The following ABAT variants were observed in gnomAD, a reference collection of about 807,000 sequenced individuals.
ABAT encodes the protein 4-aminobutyrate aminotransferase, also known as 4-aminobutyrate aminotransferase, mitochondrial.
A neutral mutation model predicts 64.6 loss-of-function variants in ABAT; 45 were observed. The ratio of observed to expected loss-of-function variants is 0.70; its 90% CI spans 0.55 to 0.89. The LOEUF is 0.89. Ranked by LOEUF, ABAT falls within the 40% of genes least tolerant of loss-of-function variation. The pLI, the probability that ABAT is intolerant of heterozygous loss-of-function variation, is 0.00. For missense variants in ABAT, 633 were observed against 658.4 expected, an observed-to-expected ratio of 0.96 and a Z score of 0.42; for synonymous variants, 297 against 250.5, an observed-to-expected ratio of 1.19 and a Z score of -1.75.
chr16:8,747,183 G>T (rs1008486053), intron 3 of ABAT, among the ~76,000 whole-genome samples: 25 of 152,096 alleles, frequency 1.6e-4, no homozygotes, highest in Admixed American at 3.9e-4. Context: ...CAAGGGCTGG[G>T]GTACAACATC....
rs567240463 is a variant in ABAT, at chr16:8,771,597, T to C, written c.817-1183T>C. On this transcript the variant is annotated intron_variant, in intron 11 of 15. Coordinates refer to ENST00000268251, the MANE Select transcript of ABAT (RefSeq NM_020686.6). ...GATTCTCGTGCCTCAGCCACTGGAG[T>C]AGCTGGGAGTACAGGCGTGAGCCAC... Among the ~76,000 whole-genome samples the C allele has an allele frequency of 5.3e-5, 8 of 151,408 alleles. 1 individual carries two copies. In the South Asian group the frequency reaches 1.5e-3, roughly 28 times the overall value.
At chr16:8,715,624 C>A (rs2058193215) in intron 1 of ABAT, 1 of 110,700 alleles carries the variant, frequency 9.0e-6, no homozygotes, top group Non-Finnish European at 1.7e-5. Context: ...TAGAGCGAGA[C>A]CCTGTCTCTA....
intron 1 of ABAT, among the ~76,000 whole-genome samples, chr16:8,687,304 C>G (rs550882792): frequency 1.5e-3 from 230 of 152,134 alleles, no homozygotes; most frequent in Non-Finnish European, 2.8e-3. Context: ...GCGGGCGAAT[C>G]ACGAGGTCAG....
chr16:8,766,209 G>T lies in ABAT; in HGVS notation c.542G>T (p.Ser181Ile). ...TTTTGTTCTGTTCTATTGTTTCAGA[G>T]CAAGGAAAGAGGGCAGAGGGGCTTC... is the stretch of plus-strand genomic sequence containing the variant. ...ALKTIFMWYRSKERGQRGFSQ... is the reference protein window; with the variant it reads ...ALKTIFMWYRIKERGQRGFSQ... The change falls in exon 9 of 16, where the codon AGC becomes ATC. Residue 181 changes from serine (S) to isoleucine (I), a missense_variant and splice_region_variant. Transcript: ENST00000268251. 6.2e-7 allele frequency: 1 copy of T among 1,613,944 alleles called. No individual in the cohort carries two copies. Among genetic ancestry groups the T allele is most frequent in the Non-Finnish European group, 8.5e-7 (1 of 1,179,886 alleles).
intron 11 of ABAT, among the ~76,000 whole-genome samples, chr16:8,769,774 C>G (rs1017663615): frequency 5.9e-5 from 9 of 152,142 alleles, no homozygotes; most frequent in African/African-American, 2.2e-4. Context: ...ACACAGCCCT[C>G]TTTAGATCCA....
At chr16:8,697,793 GC>G (rs1432743049) in intron 1 of ABAT, among the ~76,000 whole-genome samples, 2 of 151,896 alleles carry the variant, frequency 1.3e-5, no homozygotes, top group Non-Finnish European at 2.9e-5. Context: ...AAGCGACCAC[GC>G]CCAGCTAATT....
At chr16:8,712,984 C>T (rs1031652284) in intron 1 of ABAT, 3 of 151,814 alleles carry the variant, frequency 2.0e-5, no homozygotes, top group Non-Finnish European at 4.4e-5. Flanking sequence ...TGATCACCCT[C>T]ATTACCTCTT....
chr16:8,770,258 T>C (rs930543450), intron 11 of ABAT, among the ~76,000 whole-genome samples: 5 of 151,420 alleles, frequency 3.3e-5, no homozygotes, highest in African/African-American at 1.2e-4. Context: ...CTGCCTCAGC[T>C]TCCTGAGTAG....
At chr16:8,728,806 A>G (rs2058632633) in intron 1 of ABAT, among the ~76,000 whole-genome samples, 1 of 152,166 alleles carries the variant, frequency 6.6e-6, no homozygotes, top group Non-Finnish European at 1.5e-5. Context: ...CCAGGGAGTC[A>G]GAGGTTGCAG....
At chr16:8,771,242 C>G (rs1202110273) in intron 11 of ABAT, among the ~76,000 whole-genome samples, 1 of 151,240 alleles carries the variant, frequency 6.6e-6, no homozygotes, top group Non-Finnish European at 1.5e-5. Context: ...TTGCGGTGAG[C>G]TGAGATTGCG....
chr16:8,709,017 G>T (rs1429881836), intron 1 of ABAT, among the ~76,000 whole-genome samples: 1 of 152,106 alleles, frequency 6.6e-6, no homozygotes, highest in Non-Finnish European at 1.5e-5. Context: ...ATCTGAATGG[G>T]GGTGTGCCGT....
At chr16:8,738,016 G>GAAAAAGAAAGAAA in intron 2 of ABAT, among the ~76,000 whole-genome samples, 1 of 57,748 alleles carries the variant, frequency 1.7e-5, no homozygotes, top group Middle Eastern at 8.6e-3. Context: ...AAGAAAGAAA[G>GAAAAAGAAAGAAA]GAAAGAAAGA....
chr16:8,713,989 C>CG (rs1486785649), intron 1 of ABAT: 23 of 441,170 alleles, frequency 5.2e-5, no homozygotes, highest in South Asian at 1.6e-4. Flanking sequence ...GTGTGCAGGT[C>CG]GGGGGGGCAC....
rs2060468170 is a variant in ABAT at position 8,782,706 on chromosome 16, G to A, written c.*1276G>A. ...CTCTGCTGGAGGTGAGACACTCTGG[G>A]AACTGATTTGACCTCGAATGCTCCT... On this transcript the variant is annotated 3_prime_UTR_variant, in exon 16 of 16. Transcript: ENST00000268251. 1 of 152,262 alleles carries A rather than the reference G, an allele frequency of 6.6e-6. No homozygotes were observed. Among genetic ancestry groups the A allele is most frequent in the Admixed American group, 6.5e-5 (1 of 15,272 alleles). 9.4% of individuals were successfully genotyped at this position (152,262 alleles called of 1,614,324 possible). A position where few individuals can be genotyped will look rare whatever the true frequency, so the allele number is the denominator to read the frequency against.
chr16:8,675,111 G>A (rs1316248039), intron 1 of ABAT, among the ~76,000 whole-genome samples: 2 of 151,936 alleles, frequency 1.3e-5, no homozygotes, highest in Non-Finnish European at 2.9e-5. Flanking sequence ...GGAATAATGG[G>A]GGTCTTCTCA....
chr16:8,724,676 C>T (rs1186461800), intron 1 of ABAT, among the ~76,000 whole-genome samples: 1 of 138,236 alleles, frequency 7.2e-6, no homozygotes, highest in Non-Finnish European at 1.5e-5. Flanking sequence ...CCAGAGGTTG[C>T]TGAGATGGCA....
At chr16:8,714,302 G>C (rs908446768) in intron 1 of ABAT, among the ~76,000 whole-genome samples, 1 of 152,110 alleles carries the variant, frequency 6.6e-6, no homozygotes, top group African/African-American at 2.4e-5. Context: ...TCGTTCTAAG[G>C]ACAAGAACAG....
chr16:8,695,966 C>G (rs2057692524), intron 1 of ABAT, among the ~76,000 whole-genome samples: 2 of 152,230 alleles, frequency 1.3e-5, no homozygotes, highest in Admixed American at 6.6e-5. Flanking sequence ...TTGCCTGATG[C>G]TTAAAGCCTC....
chr16:8,752,364 G>A (rs553827797), intron 5 of ABAT, among the ~76,000 whole-genome samples: 87 of 152,228 alleles, frequency 5.7e-4, no homozygotes, highest in African/African-American at 2.1e-3. Flanking sequence ...TATTAGCTGT[G>A]GGACTGTGAC....
Sources: allele counts gnomAD v4.1 joint callset (sites outside exome capture counted in the v4.1 genomes callset), GRCh38; gene constraint gnomAD v4.1.1; transcripts MANE v1.5; gene names NCBI Gene and HGNC (gene_info 2026-07-23, HGNC 2026-07-21).